NPAT: variants seen among roughly 807,000 people sequenced by gnomAD.
The protein encoded by NPAT is nuclear protein, coactivator of histone transcription.
A neutral mutation model predicts 130.7 loss-of-function variants in NPAT; 52 were observed. The ratio of observed to expected loss-of-function variants is 0.40; its 90% confidence interval spans 0.32 to 0.50. The LOEUF (loss-of-function observed/expected upper bound fraction) is 0.50, where lower values mean the gene tolerates loss of function less well. Among genes scored for constraint, NPAT ranks in the 20% least tolerant of loss-of-function variants. NPAT has a pLI of 0.68. For synonymous variants in NPAT, 580 were observed against 584.8 expected (o/e 0.99, Z 0.12); for missense variants, 1,687 against 1,662.6 (o/e 1.01, Z -0.26).
chr11:108,194,016 G>T lies in NPAT; in HGVS notation c.158C>A (p.Ser53Tyr). Residue 53 changes from serine (S) to tyrosine (Y), a missense_variant and splice_region_variant, in exon 3 of 18, where the codon TCC (serine) becomes TAC (tyrosine). Physicochemically the swap from Ser to Tyr is moderately radical, Grantham distance 144 (BLOSUM62 -2). Coordinates refer to ENST00000278612, the MANE Select transcript of NPAT (RefSeq NM_002519.3). ...DEGFIPACLL[S>Y]LFGKNLTTIL... is the part of the protein sequence containing the mutation. Reference sequence around the variant, plus strand: ...TGTTGTCAAGTTTTTTCCAAATAAGGACTGAAAAGAAAAAGATCAAATATT... The same window carrying T: ...TGTTGTCAAGTTTTTTCCAAATAAGTACTGAAAAGAAAAAGATCAAATATT... 1 of 1,482,080 alleles carries T rather than the reference G, an allele frequency of 6.7e-7. No individual in the cohort carries two copies. Among genetic ancestry groups the T allele is most frequent in the Non-Finnish European group, 9.4e-7 (1 of 1,062,276 alleles). The allele number at this position is 1,482,080 out of a possible 1,614,324, so 91.8% of individuals were successfully genotyped here. A position where few individuals can be genotyped will look rare whatever the true frequency, so the allele number is the denominator to read the frequency against.
chr11:108,190,206 G>C (rs1301230861), intron 5 of NPAT, among the ~76,000 whole-genome samples: 2 of 150,490 alleles, frequency 1.3e-5, no homozygotes, highest in Non-Finnish European at 3.0e-5. Flanking sequence ...CCAGCTACTT[G>C]GGAGTCTGAG....
At position 108,177,048 on chromosome 11, in the gene NPAT, C is replaced by G; in HGVS notation, c.949G>C (p.Glu317Gln). Residue 317 changes from glutamate to glutamine, a missense_variant, in exon 11 of 18, where the codon GAA becomes CAA. This residue lies in a region of NPAT where 1,379 missense variants were observed against 1,346.6 expected (regional missense o/e 1.02). Coordinates refer to ENST00000278612, the MANE Select transcript of NPAT (RefSeq NM_002519.3). ...MSEEAIQDIL[E>Q]QTESDPAFQA... ...AATGCTGGGTCTGATTCTGTCTGTT[C>G]CAATATGTCCTGTATAGCTTCTTCA... The G allele has an allele frequency of 6.2e-7, 1 of 1,613,326 alleles. No individual in the cohort carries two copies. Among genetic ancestry groups the G allele is most frequent in the Non-Finnish European group, 8.5e-7 (1 of 1,179,528 alleles).
At chr11:108,174,008 C>T (rs2077981336) in intron 12 of NPAT, among the ~76,000 whole-genome samples, 157 bp from the exon 13 acceptor site, 1 of 152,122 alleles carries the variant, frequency 6.6e-6, no homozygotes, top group Non-Finnish European at 1.5e-5. Context: ...TACTGAGTAT[C>T]AAAAAATTTA....
intron 15 of NPAT, among the ~76,000 whole-genome samples, chr11:108,163,437 C>T (rs1464840401): frequency 6.6e-6 from 1 of 152,002 alleles, no homozygotes; most frequent in African/African-American, 2.4e-5. Flanking sequence ...TTTGGAAGAT[C>T]TGGCAATAAT....
intron 10 of NPAT, among the ~76,000 whole-genome samples, chr11:108,181,905 A>G (rs2078061791): frequency 6.6e-6 from 1 of 152,202 alleles, no homozygotes; most frequent in Non-Finnish European, 1.5e-5. Flanking sequence ...AAGTTAACCT[A>G]AAAAGCTTGA....
Position 108,157,707 on chromosome 11 carries a change from G to A in NPAT, c.*1235C>T, listed in dbSNP as rs902230996. On this transcript the variant is annotated 3_prime_UTR_variant, in exon 18 of 18. Transcript: ENST00000278612. ...ATCCCTAATATACTGATATTTAATT[G>A]AACGGAAAGTACTAAAGAGAACATA... The A allele has an allele frequency of 1.3e-5, 2 of 152,246 alleles. No homozygotes were observed. Among genetic ancestry groups the A allele is most frequent in the Non-Finnish European group, 2.9e-5 (2 of 67,954 alleles). The allele number at this position is 152,246 out of a possible 1,614,324, so 9.4% of individuals were successfully genotyped here. A position where few individuals can be genotyped will look rare whatever the true frequency, so the allele number is the denominator to read the frequency against.
intron 10 of NPAT, among the ~76,000 whole-genome samples, chr11:108,178,707 A>C (rs2078032294): frequency 6.6e-6 from 1 of 152,082 alleles, no homozygotes; most frequent in South Asian, 2.1e-4. Context: ...AAAATACAAA[A>C]ATTAGCTGGG....
chr11:108,177,354 G>A (rs780749501), intron 10 of NPAT, among the ~76,000 whole-genome samples: 1 of 151,916 alleles, frequency 6.6e-6, no homozygotes, highest in Non-Finnish European at 1.5e-5. Context: ...TAGAGATGGG[G>A]TTGCTACCTT....
chr11:108,176,431 A>G, intron 11 of NPAT, 57 bp from the exon 12 acceptor site: 11 of 1,223,970 alleles, frequency 9.0e-6, no homozygotes, highest in Non-Finnish European at 1.2e-5. Context: ...ATAAACATCA[A>G]TGAATACAGC....
At chr11:108,192,587 T>A (rs529153806) in intron 3 of NPAT, among the ~76,000 whole-genome samples, 1 of 152,330 alleles carries the variant, frequency 6.6e-6, no homozygotes, top group African/African-American at 2.4e-5. Context: ...TCCTTATAAG[T>A]GTGGAAATTT....
Position 108,159,001 on chromosome 11 carries a change from A to G in NPAT, c.4225T>C (p.Ser1409Pro). ...TCTACATCCATTCCTGCTGGAAATG[A>G]ACTGGGAAGCTTCTTTTTCTGTTGA... ...KKIKKKKLPS[S>P]FPAGMDVDKF... Residue 1409 changes from serine to proline, a missense_variant, in exon 18 of 18, where the codon TCA becomes CCA. By Grantham distance (74) the Ser-to-Pro change is moderately conservative. Transcript: ENST00000278612. 6.2e-7 allele frequency: 1 copy of G among 1,607,200 alleles called. No homozygotes were observed. The highest frequency in any genetic ancestry group is 1.1e-5 in the South Asian group (1 of 90,974).
intron 2 of NPAT, 68 bp from the exon 3 acceptor site, chr11:108,194,085 A>T (rs976159161): frequency 1.2e-6 from 1 of 849,066 alleles, no homozygotes; most frequent in Non-Finnish European, 2.0e-6. Context: ...ACAAGAAAAG[A>T]TTCTACCATT....
At chr11:108,198,947 A>G (rs2078249355) in intron 1 of NPAT, among the ~76,000 whole-genome samples, 1 of 152,218 alleles carries the variant, frequency 6.6e-6, no homozygotes, top group Non-Finnish European at 1.5e-5. Context: ...AGGAACTCTT[A>G]ACATTGTAGC....
intron 2 of NPAT, among the ~76,000 whole-genome samples, chr11:108,197,080 G>C (rs1028643230): frequency 6.6e-6 from 1 of 152,134 alleles, no homozygotes; most frequent in African/African-American, 2.4e-5. Context: ...GTGTCATTTT[G>C]AAACTAACTC....
chr11:108,185,813 C>T (rs1302265564), intron 8 of NPAT, among the ~76,000 whole-genome samples: 2 of 152,240 alleles, frequency 1.3e-5, no homozygotes, highest in Non-Finnish European at 2.9e-5. Flanking sequence ...TCACTGCAAC[C>T]TCCACCTCGC....
At position 108,222,595 on chromosome 11, in the gene NPAT, G is replaced by A. The variant is rs370264347; in HGVS notation, c.-59C>T. 1 of 1,587,984 alleles carries A rather than the reference G, an allele frequency of 6.3e-7. No homozygotes were observed. The highest frequency in any genetic ancestry group is 8.6e-7 in the Non-Finnish European group (1 of 1,158,720). ...CAAGACTCAGGTTAAAGCAAACACA[G>A]CGACAGCTCCTGCGCCGCATCTCCT... On this transcript the variant is annotated 5_prime_UTR_variant, in exon 1 of 18. Transcript: ENST00000278612.
At chr11:108,191,865 C>T (rs959056697) in intron 4 of NPAT, among the ~76,000 whole-genome samples, 2 of 152,098 alleles carry the variant, frequency 1.3e-5, no homozygotes, top group African/African-American at 2.4e-5. Context: ...AATATATCTG[C>T]CTTTAAATTG....
In NPAT at chr11:108,176,988, C is replaced by T. The variant is rs2078013366; in HGVS notation, c.1003+6G>A. ...TTTTCTGTCTTGAAATAAATAGTCTCCTTACCATAGTCAAAGAGATCAAAG... is the reference window on the plus strand; with the variant it reads ...TTTTCTGTCTTGAAATAAATAGTCTTCTTACCATAGTCAAAGAGATCAAAG... On this transcript the variant is annotated splice_donor_region_variant and intron_variant, in intron 11 of 17. Coordinates refer to ENST00000278612, the MANE Select transcript of NPAT (RefSeq NM_002519.3). 3.2e-6 allele frequency: 5 copies of T among 1,582,984 alleles called. No homozygotes were observed. The South Asian group carries it at 4.4e-5, about 14-fold the overall frequency.
intron 2 of NPAT, 87 bp downstream of exon 2, chr11:108,197,213 ATT>A: frequency 2.2e-6 from 2 of 897,092 alleles, no homozygotes; most frequent in Non-Finnish European, 3.6e-6. Context: ...GCCAATTTCA[ATT>A]TTTTTTTTCT....
Sources: gnomAD v4.1 joint callset for allele counts (sites outside exome capture counted in the v4.1 genomes callset) on GRCh38, gnomAD v4.1.1 for gene constraint, gnomAD v4.1.1 regional missense constraint, MANE v1.5 for transcripts, NCBI Gene and HGNC (gene_info 2026-07-23, HGNC 2026-07-21) for gene names.